Variants in PTPRQ observed in about 807,000 individuals in gnomAD.
PTPRQ encodes protein tyrosine phosphatase receptor type Q.
PTPRQ carries 199 observed loss-of-function variants against 246.0 expected under a neutral mutation model. The ratio of observed to expected loss-of-function variants is 0.81; its 90% confidence interval spans 0.72 to 0.91. The LOEUF is 0.91. PTPRQ is among the 40% of genes least tolerant of loss of function. PTPRQ has a pLI of 0.00. For missense variants in PTPRQ, 2,624 were observed against 2,528.4 expected, an observed-to-expected ratio of 1.04 and a Z score of -0.81; for synonymous variants, 869 against 853.2, an observed-to-expected ratio of 1.02 and a Z score of -0.32.
chr12:80,615,864 A>G (rs1898735354), intron 29 of PTPRQ, among the ~76,000 whole-genome samples: 1 of 150,924 alleles, frequency 6.6e-6, no homozygotes, highest in Non-Finnish European at 1.5e-5. Context: ...TTCACATTAA[A>G]ATCATGGTCA....
intron 4 of PTPRQ, 122 bp downstream of exon 4, chr12:80,457,766 A>G (rs1893025052): frequency 2.5e-6 from 1 of 394,376 alleles, no homozygotes; most frequent in East Asian, 3.6e-5. Flanking sequence ...TGGCCACTTA[A>G]TTAGTTTTAG....
chr12:80,613,023 A>AT (rs1357114653), intron 28 of PTPRQ, among the ~76,000 whole-genome samples: 1 of 150,568 alleles, frequency 6.6e-6, no homozygotes, highest in Non-Finnish European at 1.5e-5. Context: ...GGGTGATGTA[A>AT]TAGTTTTATA....
chr12:80,537,204 T>C (rs527870903), intron 19 of PTPRQ, among the ~76,000 whole-genome samples: 72 of 152,374 alleles, frequency 4.7e-4, no homozygotes, highest in African/African-American at 1.6e-3. Flanking sequence ...CTTTAACTTA[T>C]TCCTAAAGTT....
chr12:80,462,749 G>C (rs1178335968), intron 6 of PTPRQ: 1 of 152,578 alleles, frequency 6.6e-6, no homozygotes, highest in Non-Finnish European at 1.4e-5. Context: ...TGGTACCCAG[G>C]CTAACAGGGT....
chr12:80,570,205 T>C (rs1055892193), intron 25 of PTPRQ, among the ~76,000 whole-genome samples: 1 of 152,218 alleles, frequency 6.6e-6, no homozygotes, highest in Non-Finnish European at 1.5e-5. Flanking sequence ...ACGAACAGTA[T>C]AAAAGTGTTC....
At chr12:80,584,582 A>T (rs1897548984) in intron 25 of PTPRQ, among the ~76,000 whole-genome samples, 1 of 152,096 alleles carries the variant, frequency 6.6e-6, no homozygotes, top group Admixed American at 6.6e-5. Flanking sequence ...TCCCCAAGCT[A>T]TTGTGCAGTC....
At chr12:80,578,930 A>G (rs1897352046) in intron 25 of PTPRQ, among the ~76,000 whole-genome samples, 1 of 152,110 alleles carries the variant, frequency 6.6e-6, no homozygotes, top group Non-Finnish European at 1.5e-5. Context: ...AGCCAAATTT[A>G]TAATTTACTT....
In PTPRQ at chr12:80,649,522, T is replaced by C. The variant is rs112591678; in HGVS notation, c.5943-66T>C. ...TTTAACTTGTTAAAAGTGAAGCCAG[T>C]GCCAATGCTAACGCGAACAAATACA... is the stretch of plus-strand genomic sequence containing the variant. On this transcript the variant is annotated intron_variant, in intron 36 of 44. Transcript: ENST00000644991. The C allele has an allele frequency of 4.5e-4, 685 of 1,508,956 alleles. 3 individuals carry two copies. In the African/African-American group the frequency reaches 8.4e-3, roughly 18 times the overall value. 93.5% of individuals were successfully genotyped at this position (1,508,956 alleles called of 1,614,324 possible). A position where few individuals can be genotyped will look rare whatever the true frequency, so the allele number is the denominator to read the frequency against.
At position 80,658,255 on chromosome 12, in the gene PTPRQ, A is replaced by G. The variant is rs77214506; in HGVS notation, c.6192+194A>G. ...ATATGCCTAACAGAGATACTAACTTATCAAAAATTATTTCACCAGTGCGCG... is the reference window on the plus strand; with the variant it reads ...ATATGCCTAACAGAGATACTAACTTGTCAAAAATTATTTCACCAGTGCGCG... On this transcript the variant is annotated intron_variant, in intron 39 of 44. Transcript: ENST00000644991. 8.5e-3 allele frequency among the ~76,000 whole-genome samples: 1,287 copies of G among 152,132 alleles called. 39 individuals carry two copies. The East Asian group carries it at 0.093, about 11-fold the overall frequency.
At position 80,493,484 on chromosome 12, in the gene PTPRQ, T is replaced by C. The variant is rs751563536; in HGVS notation, c.1540+29T>C. Reference sequence around the variant, plus strand: ...GGTAGAATTTTGATTTTCTATAAAGTTCATTTAAACCACCAGTGCTAGCTA... The same window carrying C: ...GGTAGAATTTTGATTTTCTATAAAGCTCATTTAAACCACCAGTGCTAGCTA... On this transcript the variant is annotated intron_variant, in intron 10 of 44. Coordinates refer to ENST00000644991, the MANE Select transcript of PTPRQ (RefSeq NM_001145026.2). 9.1e-6 allele frequency: 14 copies of C among 1,539,308 alleles called. No homozygotes were observed. The South Asian group carries it at 1.2e-4, about 13-fold the overall frequency.
intron 14 of PTPRQ, among the ~76,000 whole-genome samples, chr12:80,504,349 C>T (rs1336446454): frequency 2.6e-5 from 4 of 151,578 alleles, no homozygotes; most frequent in Non-Finnish European, 5.9e-5. Flanking sequence ...CTATCTTGTT[C>T]TCTTTCAAAC....
At chr12:80,491,513 A>G (rs571340524) in intron 9 of PTPRQ, among the ~76,000 whole-genome samples, 1 of 152,088 alleles carries the variant, frequency 6.6e-6, no homozygotes, top group Non-Finnish European at 1.5e-5. Context: ...TTCCCTATCC[A>G]TAGTTCTTTA....
intron 28 of PTPRQ, among the ~76,000 whole-genome samples, chr12:80,611,931 C>CGT (rs1399429015): frequency 6.6e-6 from 1 of 150,402 alleles, no homozygotes; most frequent in African/African-American, 2.4e-5. Context: ...AAATATTTGA[C>CGT]ACAATAGTAC....
At chr12:80,677,291 A>C (rs1901175273) in intron 43 of PTPRQ, among the ~76,000 whole-genome samples, 2 of 152,150 alleles carry the variant, frequency 1.3e-5, no homozygotes, top group East Asian at 1.9e-4. Flanking sequence ...TTGAAAACAC[A>C]CTCTTGGAAT....
At chr12:80,516,239 T>C (rs1043343056) in intron 17 of PTPRQ, among the ~76,000 whole-genome samples, 13 of 152,330 alleles carry the variant, frequency 8.5e-5, no homozygotes, top group Admixed American at 1.3e-4. Flanking sequence ...CTTTTACTTT[T>C]AGATGTGTCA....
chr12:80,585,515 G>T lies in PTPRQ; in HGVS notation c.4286-2614G>T, dbSNP rs56166174. Among the ~76,000 whole-genome samples the T allele has an allele frequency of 2.0e-5, 3 of 152,144 alleles. No homozygotes were observed. In the East Asian group the frequency reaches 5.8e-4, roughly 29 times the overall value. On this transcript the variant is annotated intron_variant, in intron 25 of 44. Transcript: ENST00000644991. ...AGCTAGAGTGATTCTGTGAAAGAGA[G>T]AGCCTGCCACTTCTCTGCTCAAATG...
intron 39 of PTPRQ, among the ~76,000 whole-genome samples, chr12:80,663,434 G>A (rs1293540665): frequency 6.6e-6 from 1 of 151,872 alleles, no homozygotes; most frequent in African/African-American, 2.4e-5. Context: ...ATAGAGAAGG[G>A]TCAAGTTGCC....
chr12:80,616,150 CA>C (rs1184057489), intron 29 of PTPRQ, 49 bp from the exon 30 acceptor site: 8 of 1,338,450 alleles, frequency 6.0e-6, no homozygotes, highest in Non-Finnish European at 7.9e-6. Context: ...TATACACACA[CA>C]TACATAAGCA....
intron 33 of PTPRQ, among the ~76,000 whole-genome samples, chr12:80,628,130 C>G (rs2121156409): frequency 6.6e-6 from 1 of 152,148 alleles, no homozygotes; most frequent in South Asian, 2.1e-4. Flanking sequence ...CTTCATGCCT[C>G]CTTTCCCAAG....
Sources: allele counts gnomAD v4.1 joint callset (sites outside exome capture counted in the v4.1 genomes callset), GRCh38; gene constraint gnomAD v4.1.1; transcripts MANE v1.5; gene names NCBI Gene and HGNC (gene_info 2026-07-23, HGNC 2026-07-21).